CAST: variants seen among roughly 807,000 people sequenced by gnomAD.
CAST encodes calpastatin.
Under a neutral mutation model 119.6 loss-of-function variants are expected in CAST, and 76 were observed. The observed-to-expected ratio is 0.64, with a 90% CI of 0.53 to 0.77. CAST has a LOEUF of 0.77. Among genes scored for constraint, CAST ranks in the 30% least tolerant of loss-of-function variants. CAST has a pLI of 0.00. For synonymous variants in CAST, 319 were observed against 331.6 expected (o/e 0.96, Z 0.41); for missense variants, 953 against 946.5 (o/e 1.01, Z -0.09).
chr5:96,131,610 T>C, the CAST span, among the ~76,000 whole-genome samples: 1 of 152,146 alleles, frequency 6.6e-6, no homozygotes, highest in Non-Finnish European at 1.5e-5. Flanking sequence ...ATATTCTCCT[T>C]GGGATCACCG....
the CAST span, among the ~76,000 whole-genome samples, chr5:96,473,563 A>G: frequency 2.0e-5 from 3 of 152,196 alleles, no homozygotes; most frequent in African/African-American, 7.2e-5. Flanking sequence ...CCAACACCAG[A>G]CATCACCTCT....
chr5:96,748,009 A>G (rs375096402), intron 18 of CAST, among the ~76,000 whole-genome samples: 6 of 152,302 alleles, frequency 3.9e-5, no homozygotes, highest in East Asian at 1.9e-4. Flanking sequence ...ATGCCCTTCT[A>G]TCATGTTACT....
the CAST span, among the ~76,000 whole-genome samples, chr5:96,333,066 A>G: frequency 2.0e-5 from 3 of 151,620 alleles, no homozygotes; most frequent in African/African-American, 7.3e-5. Context: ...GTCTTTTTAT[A>G]GCGTCTCTCC....
chr5:96,563,854 A>G (rs1746425541), intron 1 of CAST, among the ~76,000 whole-genome samples: 1 of 152,142 alleles, frequency 6.6e-6, no homozygotes, highest in South Asian at 2.1e-4. Flanking sequence ...TCAGCATCTG[A>G]TCTGATCTGC....
At chr5:96,160,016 T>C in the CAST span, among the ~76,000 whole-genome samples, 1 of 150,866 alleles carries the variant, frequency 6.6e-6, no homozygotes, top group African/African-American at 2.4e-5. Flanking sequence ...GGCATGCACC[T>C]GTAATCCAAG....
At chr5:96,400,329 G>A in the CAST span, 1 of 683,590 alleles carries the variant, frequency 1.5e-6, no homozygotes, top group South Asian at 1.6e-5. Flanking sequence ...GTCTATTACT[G>A]TTCATATATC....
intron 30 of CAST, 135 bp from the exon 31 acceptor site, chr5:96,771,509 A>C: frequency 1.6e-6 from 1 of 609,918 alleles, no homozygotes; most frequent in East Asian, 2.8e-5. Context: ...TGGCCAGATG[A>C]AGAAGAGAAA....
intron 1 of CAST, among the ~76,000 whole-genome samples, chr5:96,619,310 A>G (rs914934033): frequency 1.3e-5 from 2 of 152,008 alleles, no homozygotes; most frequent in African/African-American, 2.4e-5. Context: ...CGCATCAATC[A>G]GCACTCTGTG....
At chr5:95,966,717 G>A in the CAST span, among the ~76,000 whole-genome samples, 1,158 of 152,264 alleles carry the variant, frequency 7.6e-3, 13 homozygotes, top group African/African-American at 0.027. Context: ...ACACATGCAC[G>A]TTAGCTTCCT....
At chr5:96,004,466 A>T in the CAST span, among the ~76,000 whole-genome samples, 1 of 152,220 alleles carries the variant, frequency 6.6e-6, no homozygotes. Context: ...TGACAAAATA[A>T]CATGATATTT....
chr5:96,076,608 C>T, the CAST span, among the ~76,000 whole-genome samples: 1 of 152,154 alleles, frequency 6.6e-6, no homozygotes, highest in Admixed American at 6.5e-5. Flanking sequence ...GTAGCTATAG[C>T]ATTTAGGGCA....
chr5:96,705,937 AAAAGTTATCACACACT>A (rs1188809083), intron 3 of CAST, among the ~76,000 whole-genome samples: 3 of 152,220 alleles, frequency 2.0e-5, no homozygotes, highest in Non-Finnish European at 4.4e-5. Flanking sequence ...TCAGTGCATG[AAAAGTTATCACACACT>A]AAATTCGCAT....
chr5:96,355,565 A>G, the CAST span, among the ~76,000 whole-genome samples: 9 of 152,212 alleles, frequency 5.9e-5, no homozygotes, highest in South Asian at 2.1e-4. Flanking sequence ...AGCTGGGTCA[A>G]ATGGGATTTC....
At chr5:96,198,970 T>G in the CAST span, among the ~76,000 whole-genome samples, 3 of 152,224 alleles carry the variant, frequency 2.0e-5, no homozygotes, top group Non-Finnish European at 4.4e-5. Context: ...CATGTCTTAC[T>G]GGTCTTATGA....
chr5:96,666,159 A>G (rs1010569073), intron 1 of CAST, among the ~76,000 whole-genome samples: 2 of 152,184 alleles, frequency 1.3e-5, no homozygotes, highest in Non-Finnish European at 2.9e-5. Flanking sequence ...ACAGCATGCC[A>G]CCTATAAAGC....
At chr5:96,180,560 A>G in the CAST span, among the ~76,000 whole-genome samples, 1 of 152,236 alleles carries the variant, frequency 6.6e-6, no homozygotes, top group African/African-American at 2.4e-5. Flanking sequence ...TTAACTGCTT[A>G]GAAAATGGAC....
chr5:96,013,210 C>A, the CAST span, among the ~76,000 whole-genome samples: 1 of 148,638 alleles, frequency 6.7e-6, no homozygotes, highest in Admixed American at 6.7e-5. Context: ...TTTTTTTGCT[C>A]CAAGCCCTGT....
At chr5:96,489,993 T>C in the CAST span, among the ~76,000 whole-genome samples, 1 of 152,260 alleles carries the variant, frequency 6.6e-6, no homozygotes, top group Non-Finnish European at 1.5e-5. Flanking sequence ...AATGCAGCTG[T>C]AGACTGGACT....
chr5:96,755,692 T>G (rs1043640736), intron 22 of CAST, among the ~76,000 whole-genome samples: 1 of 152,158 alleles, frequency 6.6e-6, no homozygotes, highest in Admixed American at 6.5e-5. Flanking sequence ...CCATGTGCAC[T>G]AGCCCATTTA....
Sources: allele counts gnomAD v4.1 joint callset (sites outside exome capture counted in the v4.1 genomes callset), GRCh38; gene constraint gnomAD v4.1.1; transcripts MANE v1.5; gene names NCBI Gene and HGNC (gene_info 2026-07-23, HGNC 2026-07-21).